WDR91: variants seen among roughly 807,000 people sequenced by gnomAD.
The protein encoded by WDR91 is WD repeat domain 91.
In WDR91, 52 loss-of-function variants were observed where a neutral mutation model predicts 88.4. That is an observed-to-expected ratio of 0.59 (90% CI 0.47 to 0.74). The LOEUF is 0.74. Ranked by LOEUF, WDR91 falls within the 30% of genes least tolerant of loss-of-function variation. The pLI, the probability that WDR91 is intolerant of heterozygous loss-of-function variation, is 0.00. For synonymous variants in WDR91, 362 were observed against 389.5 expected, an observed-to-expected ratio of 0.93 and a Z score of 0.83; for missense variants, 824 against 954.5, an observed-to-expected ratio of 0.86 and a Z score of 1.80.
chr7:135,187,227 AAGG>A (rs1246564957), intron 13 of WDR91, 58 bp from the exon 14 acceptor site: 1 of 1,584,714 alleles, frequency 6.3e-7, no homozygotes, highest in Non-Finnish European at 8.6e-7. Flanking sequence ...TGCAGGCCTC[AAGG>A]AAGAGCCAGG....
chr7:135,198,789 G>C (rs1831466464), intron 6 of WDR91: 1 of 152,240 alleles, frequency 6.6e-6, no homozygotes, highest in East Asian at 1.9e-4. Context: ...TAACAACAGT[G>C]ATAGGGTCAG....
In WDR91 at chr7:135,187,101, C is replaced by G. The variant is rs775489834; in HGVS notation, c.1950G>C (p.Thr650=). ...VSEYSLPSDA[T]GPFVLSGYSG... ...TGTATCCAGACAGCACAAAGGGGCC[C>G]GTGGCATCTGAGGGGAGGCTGTACT... Residue 650 remains threonine, a synonymous_variant, in exon 14 of 15, where the codon ACG becomes ACC. Transcript: ENST00000354475. The G allele has an allele frequency of 6.2e-7, 1 of 1,614,238 alleles. No homozygotes were observed. The highest frequency in any genetic ancestry group is 8.5e-7 in the Non-Finnish European group (1 of 1,180,052).
At chr7:135,208,327 A>G (rs1168785386) in intron 3 of WDR91, among the ~76,000 whole-genome samples, 5 of 152,244 alleles carry the variant, frequency 3.3e-5, no homozygotes, top group Non-Finnish European at 7.3e-5. Flanking sequence ...CTTGAGGAAC[A>G]CTGAAGTTAC....
chr7:135,190,034 T>C (rs1038874820), intron 11 of WDR91, among the ~76,000 whole-genome samples: 9 of 151,948 alleles, frequency 5.9e-5, no homozygotes, highest in Non-Finnish European at 1.2e-4. Flanking sequence ...ACACACAGAG[T>C]ACTGAGCTAG....
Position 135,196,696 on chromosome 7 carries a change from A to G in WDR91, c.1051-359T>C, listed in dbSNP as rs1472622352. 1.3e-5 allele frequency among the ~76,000 whole-genome samples: 2 copies of G among 152,104 alleles called. No homozygotes were observed. Among genetic ancestry groups the G allele is most frequent in the Non-Finnish European group, 2.9e-5 (2 of 68,008 alleles). Reference sequence around the variant, plus strand: ...ACACACCGCGCTGAGTATTTTACAGATTTCTCTCATTTAGTCCTCCTCAAA... The same window carrying G: ...ACACACCGCGCTGAGTATTTTACAGGTTTCTCTCATTTAGTCCTCCTCAAA... On this transcript the variant is annotated intron_variant, in intron 7 of 14. Transcript: ENST00000354475. The surrounding 1 kb of genome is among the most constrained non-coding windows in gnomAD (Gnocchi z 4.2).
chr7:135,191,596 C>T (rs1831166732), intron 11 of WDR91, among the ~76,000 whole-genome samples: 1 of 107,856 alleles, frequency 9.3e-6, no homozygotes. Flanking sequence ...CAGAGCAAGA[C>T]TCCATCTCAA....
At position 135,198,159 on chromosome 7, in the gene WDR91, A is replaced by G. The variant is rs1414588572; in HGVS notation, c.892-8T>C. ...GTCCTTTCCCTTGGTGCCCTAGAGGAAAAGAAGCTGGCTGTGAAGTCTCTT... is the reference window on the plus strand; with the variant it reads ...GTCCTTTCCCTTGGTGCCCTAGAGGGAAAGAAGCTGGCTGTGAAGTCTCTT... On this transcript the variant is annotated splice_region_variant and splice_polypyrimidine_tract_variant and intron_variant, in intron 6 of 14. Coordinates refer to ENST00000354475, the MANE Select transcript of WDR91 (RefSeq NM_014149.4). The G allele has an allele frequency of 6.2e-7, 1 of 1,608,860 alleles. No individual in the cohort carries two copies. Among genetic ancestry groups the G allele is most frequent in the Non-Finnish European group, 8.5e-7 (1 of 1,177,310 alleles).
chr7:135,186,104 C>A lies in WDR91; in HGVS notation c.*47G>T, dbSNP rs751977642. On this transcript the variant is annotated 3_prime_UTR_variant, in exon 15 of 15. Coordinates refer to ENST00000354475, the MANE Select transcript of WDR91 (RefSeq NM_014149.4). ...TTTTCCTGTCCTATATCTCCTCCCC[C>A]CACCGCAGATAATACTGCTTCCTCG... is the stretch of plus-strand genomic sequence containing the variant. 1.9e-6 allele frequency: 3 copies of A among 1,542,870 alleles called. No individual in the cohort carries two copies. Among genetic ancestry groups the A allele is most frequent in the Non-Finnish European group, 2.6e-6 (3 of 1,148,850 alleles).
intron 11 of WDR91, 99 bp downstream of exon 11, chr7:135,193,132 A>G: frequency 6.7e-7 from 1 of 1,492,572 alleles, no homozygotes; most frequent in Non-Finnish European, 8.9e-7. Flanking sequence ...TAAAAATCTG[A>G]GGAGACCAAA....
Position 135,195,101 on chromosome 7 carries a change from G to A in WDR91, c.1245-17C>T. 6.2e-7 allele frequency: 1 copy of A among 1,608,630 alleles called. No homozygotes were observed. The highest frequency in any genetic ancestry group is 8.5e-7 in the Non-Finnish European group (1 of 1,177,450). On this transcript the variant is annotated splice_polypyrimidine_tract_variant and intron_variant, in intron 8 of 14. Transcript: ENST00000354475. ...CAGTCCACTCTGAGATGAGAGAAAA[G>A]GGAGGCCTGTCAGCTGGCCTCTCAG...
chr7:135,186,296 A>T lies in WDR91; in HGVS notation c.2099T>A (p.Val700Asp). 6.2e-7 allele frequency: 1 copy of T among 1,612,642 alleles called. No homozygotes were observed. Among genetic ancestry groups the T allele is most frequent in the Non-Finnish European group, 8.5e-7 (1 of 1,179,426 alleles). The stretch of plus-strand genomic sequence containing the variant: ...ACCTAGGCTCAAGCAGCTCTCCAGA[A>T]CCTTCTCATCGCCACCCAGCTGCAA... ...VIYKLGGDEK[V>D]LESCLSLGGH... is the part of the protein sequence containing the mutation. Residue 700 changes from valine (V) to aspartate (D), a missense_variant, in exon 15 of 15, where the codon GTT (valine) becomes GAT (aspartate). Transcript: ENST00000354475.
chr7:135,207,457 G>A, intron 3 of WDR91: 1 of 484,044 alleles, frequency 2.1e-6, no homozygotes, highest in Admixed American at 2.3e-5. Flanking sequence ...CCCACAGAGG[G>A]GACATAAATC....
chr7:135,204,226 G>C, intron 6 of WDR91, 42 bp downstream of exon 6: 1 of 1,603,070 alleles, frequency 6.2e-7, no homozygotes, highest in Non-Finnish European at 8.5e-7. Flanking sequence ...GAGCTGTCAC[G>C]GCCTTCTTGG....
chr7:135,201,645 T>C (rs1433327441), intron 6 of WDR91: 1 of 152,202 alleles, frequency 6.6e-6, no homozygotes, highest in South Asian at 2.1e-4. Flanking sequence ...ATACAGCCTA[T>C]TTTTTGTGTG....
In WDR91 at chr7:135,187,133, C is replaced by T; in HGVS notation, c.1918G>A (p.Val640Ile). The change falls in exon 14 of 15, where the codon GTA becomes ATA. Residue 640 changes from valine to isoleucine, a missense_variant. Coordinates refer to ENST00000354475, the MANE Select transcript of WDR91 (RefSeq NM_014149.4). The part of the protein sequence containing the change: ...QWNIHKSGLK[V>I]SEYSLPSDAT... ...TCTGAGGGGAGGCTGTACTCGGATA[C>T]CTTGAGGCCACTCTTGTGGATGTTC... 6.2e-7 allele frequency: 1 copy of T among 1,614,230 alleles called. No individual in the cohort carries two copies. Among genetic ancestry groups the T allele is most frequent in the Non-Finnish European group, 8.5e-7 (1 of 1,180,052 alleles).
In WDR91 at chr7:135,211,475, C is replaced by T. The variant is rs373727223; in HGVS notation, c.28G>A (p.Glu10Lys). 1 of 1,611,830 alleles carries T rather than the reference C, an allele frequency of 6.2e-7. No individual in the cohort carries two copies. Among genetic ancestry groups the T allele is most frequent in the East Asian group, 2.2e-5 (1 of 44,742 alleles). MAEAVERTD[E>K]LVREYLLFRG... ...AAGAGCAGGTACTCCCGGACCAGCT[C>T]GTCAGTGCGCTCCACGGCCTCCGCC... Residue 10 changes from glutamate (E) to lysine (K), a missense_variant, in exon 1 of 15, where the codon GAG becomes AAG. By Grantham distance (56) the Glu-to-Lys change is moderately conservative (BLOSUM62 1). Coordinates refer to ENST00000354475, the MANE Select transcript of WDR91 (RefSeq NM_014149.4).
At chr7:135,188,279 G>GT (rs1831027465) in intron 13 of WDR91, 154 bp downstream of exon 13, 1 of 601,126 alleles carries the variant, frequency 1.7e-6, no homozygotes, top group African/African-American at 1.8e-5. Flanking sequence ...CGCAAAGATT[G>GT]TAAGACGAAT....
chr7:135,185,013 GCACCTGC>G lies in WDR91; in HGVS notation c.*1131_*1137del, dbSNP rs1015380308. ...GCCTCCAGAGTAGCTGGGATTATAG[GCACCTGC>G]CACCATGCCTGGCTAATTTTGGTAT... On this transcript the variant is annotated 3_prime_UTR_variant, in exon 15 of 15. Coordinates refer to ENST00000354475, the MANE Select transcript of WDR91 (RefSeq NM_014149.4). 6.6e-6 allele frequency: 1 copy of G among 152,092 alleles called. No homozygotes were observed. Among genetic ancestry groups the G allele is most frequent in the African/African-American group, 2.4e-5 (1 of 41,366 alleles). 9.4% of individuals were successfully genotyped at this position (152,092 alleles called of 1,614,324 possible).
chr7:135,190,935 T>A (rs1449564661), intron 11 of WDR91, among the ~76,000 whole-genome samples: 2 of 152,142 alleles, frequency 1.3e-5, no homozygotes, highest in Non-Finnish European at 2.9e-5. Context: ...TGACTGAGAA[T>A]TTTCCAGAAT....
Sources: allele counts gnomAD v4.1 joint callset (sites outside exome capture counted in the v4.1 genomes callset), GRCh38; gene constraint gnomAD v4.1.1; non-coding constraint Gnocchi (gnomAD v3.1); transcripts MANE v1.5; gene names NCBI Gene and HGNC (gene_info 2026-07-23, HGNC 2026-07-21).